RTF1: variants seen among roughly 807,000 people sequenced by gnomAD.
RTF1 encodes the protein RTF1 homolog, Paf1/RNA polymerase II complex component.
In RTF1, 10 loss-of-function variants were observed where a neutral mutation model predicts 95.7. The observed-to-expected ratio is 0.10, with a 90% confidence interval of 0.06 to 0.18. The LOEUF (loss-of-function observed/expected upper bound fraction) is 0.18. Among genes scored for constraint, RTF1 ranks in the 10% least tolerant of loss-of-function variants. The pLI is 1.00. For missense variants in RTF1, 458 were observed against 875.6 expected, an observed-to-expected ratio of 0.52 and a Z score of 6.02; for synonymous variants, 305 against 311.8, an observed-to-expected ratio of 0.98 and a Z score of 0.23.
At chr15:41,443,040 G>A (rs1020341106) in intron 2 of RTF1, among the ~76,000 whole-genome samples, 10 of 152,190 alleles carry the variant, frequency 6.6e-5, no homozygotes, top group African/African-American at 1.9e-4. Flanking sequence ...AAAGAAATAC[G>A]TTTGTCCCCT....
intron 2 of RTF1, among the ~76,000 whole-genome samples, chr15:41,450,436 T>C (rs2050784224): frequency 6.6e-6 from 1 of 151,542 alleles, no homozygotes; most frequent in Admixed American, 6.6e-5. Flanking sequence ...AAATACAAAA[T>C]TAGCCGGGCG....
At chr15:41,419,620 T>G (rs1214948135) in intron 1 of RTF1, among the ~76,000 whole-genome samples, 1 of 152,144 alleles carries the variant, frequency 6.6e-6, no homozygotes, top group Non-Finnish European at 1.5e-5. Context: ...AAGGATTATT[T>G]GGGGGGATTT....
chr15:41,441,717 C>T (rs1156744341), intron 2 of RTF1, among the ~76,000 whole-genome samples: 2 of 152,154 alleles, frequency 1.3e-5, no homozygotes, highest in Non-Finnish European at 2.9e-5. Flanking sequence ...ACAGCAAGCT[C>T]CACCCTGCCC....
chr15:41,437,419 C>G (rs985924938), intron 1 of RTF1, among the ~76,000 whole-genome samples: 1 of 151,840 alleles, frequency 6.6e-6, no homozygotes, highest in Non-Finnish European at 1.5e-5. Context: ...TGGTGTGAAC[C>G]CGGGAGGCAG....
At chr15:41,475,903 C>G in intron 11 of RTF1, 84 bp downstream of exon 11, 1 of 691,546 alleles carries the variant, frequency 1.4e-6, no homozygotes, top group Non-Finnish European at 2.4e-6. Flanking sequence ...TTCCCTATAT[C>G]TTGACATTTT....
chr15:41,469,013 G>A (rs920880589), intron 6 of RTF1, among the ~76,000 whole-genome samples: 2 of 152,018 alleles, frequency 1.3e-5, no homozygotes, highest in South Asian at 2.1e-4. Context: ...CTGTTACTCA[G>A]TCTGGAGTGC....
At chr15:41,478,796 C>A in intron 15 of RTF1, 171 bp downstream of exon 15, 1 of 634,970 alleles carries the variant, frequency 1.6e-6, no homozygotes, top group South Asian at 1.9e-5. Flanking sequence ...TAGGACATAT[C>A]GGTAGTGAAA....
At chr15:41,464,248 TTC>T (rs539822159) in intron 4 of RTF1, among the ~76,000 whole-genome samples, 2 of 151,182 alleles carry the variant, frequency 1.3e-5, no homozygotes. Flanking sequence ...TATGTTCTCT[TTC>T]TCTCTCTTTT....
At position 41,482,684 on chromosome 15, in the gene RTF1, T is replaced by C. The variant is rs1352893473; in HGVS notation, c.*1997T>C. ...GTGATGGACTCGTTAAAATCATATA[T>C]ACTTGAATAGTCCATTGACCGAAAC... On this transcript the variant is annotated 3_prime_UTR_variant, in exon 18 of 18. Transcript: ENST00000389629. 6.6e-6 allele frequency: 1 copy of C among 152,602 alleles called. No homozygotes were observed. The highest frequency in any genetic ancestry group is 1.5e-5 in the Non-Finnish European group (1 of 68,028). 9.5% of individuals were successfully genotyped at this position (152,602 alleles called of 1,614,324 possible). A position where few individuals can be genotyped will look rare whatever the true frequency, so the allele number is the denominator to read the frequency against.
chr15:41,470,860 G>C (rs1425460877), intron 7 of RTF1, among the ~76,000 whole-genome samples: 1 of 151,710 alleles, frequency 6.6e-6, no homozygotes, highest in East Asian at 1.9e-4. Flanking sequence ...GGGTTTCACT[G>C]TTTTAGCCGG....
intron 1 of RTF1, among the ~76,000 whole-genome samples, chr15:41,430,618 G>A (rs935248549): frequency 3.1e-4 from 47 of 151,522 alleles, no homozygotes; most frequent in African/African-American, 1.1e-3. Context: ...GTGCATGCCT[G>A]TAGTCCCAGC....
At chr15:41,434,176 G>A (rs1308680338) in intron 1 of RTF1, among the ~76,000 whole-genome samples, 2 of 146,380 alleles carry the variant, frequency 1.4e-5, no homozygotes, top group Non-Finnish European at 3.0e-5. Flanking sequence ...TAAAGATGAG[G>A]TCATGCTATG....
chr15:41,457,910 C>A, intron 4 of RTF1, 34 bp downstream of exon 4: 1 of 1,551,282 alleles, frequency 6.4e-7, no homozygotes, highest in East Asian at 2.3e-5. Flanking sequence ...CCCCCCCCGC[C>A]CCCACCTTTT....
At chr15:41,474,837 G>T in intron 9 of RTF1, 135 bp downstream of exon 9, 1 of 711,128 alleles carries the variant, frequency 1.4e-6, no homozygotes. Context: ...TACACTTGGA[G>T]GGAGACTTGT....
At chr15:41,419,222 T>C (rs1281800628) in intron 1 of RTF1, among the ~76,000 whole-genome samples, 1 of 152,222 alleles carries the variant, frequency 6.6e-6, no homozygotes, top group East Asian at 1.9e-4. Flanking sequence ...TTTCTGTCTT[T>C]TCATCTACAA....
chr15:41,464,044 G>A (rs1015019135), intron 4 of RTF1, among the ~76,000 whole-genome samples: 1 of 151,316 alleles, frequency 6.6e-6, no homozygotes, highest in African/African-American at 2.4e-5. Context: ...TGGAGATGGG[G>A]TTTCACCATT....
Position 41,472,064 on chromosome 15 carries a change from A to G in RTF1, c.1203+715A>G, listed in dbSNP as rs192190984. Among the ~76,000 whole-genome samples, 371 of 150,726 alleles carry G rather than the reference A, an allele frequency of 2.5e-3. 1 individual carries two copies. The highest frequency in any genetic ancestry group is 8.6e-3 in the African/African-American group (352 of 41,034). ...CAGGCGCATGCCACCACACCTGGCT[A>G]ATTTTTGTATTTTTAGTAGAGACGG... On this transcript the variant is annotated intron_variant, in intron 8 of 17. Coordinates refer to ENST00000389629, the MANE Select transcript of RTF1 (RefSeq NM_015138.5).
chr15:41,479,298 G>A (rs2050958151), intron 16 of RTF1, 100 bp downstream of exon 16: 1 of 731,750 alleles, frequency 1.4e-6, no homozygotes, highest in Non-Finnish European at 2.4e-6. Flanking sequence ...CCACCTTGAG[G>A]AACAGGGAGT....
At chr15:41,468,513 T>C (rs1317464871) in intron 6 of RTF1, among the ~76,000 whole-genome samples, 2 of 152,074 alleles carry the variant, frequency 1.3e-5, no homozygotes, top group Admixed American at 1.3e-4. Context: ...GAGAAGGGGT[T>C]TCACCATGTT....
Sources: allele counts gnomAD v4.1 joint callset (sites outside exome capture counted in the v4.1 genomes callset), GRCh38; gene constraint gnomAD v4.1.1; transcripts MANE v1.5; gene names NCBI Gene and HGNC (gene_info 2026-07-23, HGNC 2026-07-21).